The following CREB3L1 variants were observed in gnomAD, a reference collection of about 807,000 sequenced individuals.
The protein encoded by CREB3L1 is cyclic AMP-responsive element-binding protein 3-like protein 1.
Under a neutral mutation model 54.5 loss-of-function variants are expected in CREB3L1, and 33 were observed. The ratio of observed to expected loss-of-function variants is 0.61; its 90% CI spans 0.46 to 0.81. The LOEUF is 0.81. Ranked by LOEUF, CREB3L1 falls within the 30% of genes least tolerant of loss-of-function variation. The pLI is 0.00. For missense variants in CREB3L1, 656 were observed against 673.3 expected (o/e 0.97, Z 0.29); for synonymous variants, 284 against 286.4 (o/e 0.99, Z 0.08).
intron 5 of CREB3L1, 60 bp downstream of exon 5, chr11:46,311,249 A>C (rs1939481271): frequency 2.1e-6 from 3 of 1,443,936 alleles, no homozygotes; most frequent in East Asian, 2.6e-5. Flanking sequence ...CCACCTGAGC[A>C]CACTGGCCAG....
At position 46,298,331 on chromosome 11, in the gene CREB3L1, G is replaced by T. The variant is rs1303911338; in HGVS notation, c.103-1604G>T. Among the ~76,000 whole-genome samples, 4 of 152,176 alleles carry T rather than the reference G, an allele frequency of 2.6e-5. No individual in the cohort carries two copies. The East Asian group carries it at 5.8e-4, about 22-fold the overall frequency. ...AGCAGGCAGGGCTTCAGGACCTAAG[G>T]CAGCCCCCCATCCCCCATCTCTTCT... is the stretch of plus-strand genomic sequence containing the variant. On this transcript the variant is annotated intron_variant, in intron 1 of 11. Transcript: ENST00000621158.
Position 46,320,868 on chromosome 11 carries a change from C to A in CREB3L1, c.*122C>A. The A allele has an allele frequency of 9.6e-7, 1 of 1,046,642 alleles. No homozygotes were observed. Among genetic ancestry groups the A allele is most frequent in the Non-Finnish European group, 1.5e-6 (1 of 686,736 alleles). 64.8% of individuals were successfully genotyped at this position (1,046,642 alleles called of 1,614,324 possible). On this transcript the variant is annotated 3_prime_UTR_variant, in exon 12 of 12. Transcript: ENST00000621158. ...GAGCTTCCCATTCCAGGAGAAAAGG[C>A]TCCACTTCCCAGCCCTTCCTTGCCC... is the stretch of plus-strand genomic sequence containing the variant.
In CREB3L1 at chr11:46,296,481, C is replaced by G. The variant is rs77047825; in HGVS notation, c.103-3454C>G. On this transcript the variant is annotated intron_variant, in intron 1 of 11. Coordinates refer to ENST00000621158, the MANE Select transcript of CREB3L1 (RefSeq NM_052854.4). Reference sequence around the variant, plus strand: ...CTACTAAGAAATAGGAGGGGGGGAACGAGGGGCAGGGGACCGTCGGGGAGC... The same window carrying G: ...CTACTAAGAAATAGGAGGGGGGGAAGGAGGGGCAGGGGACCGTCGGGGAGC... 0.046 allele frequency among the ~76,000 whole-genome samples: 7,012 copies of G among 152,078 alleles called. 211 individuals are homozygous for G. The highest frequency in any genetic ancestry group is 0.072 in the Non-Finnish European group (4,862 of 67,968).
rs990000656 is a variant in CREB3L1, at chr11:46,297,301, C to G, written c.103-2634C>G. The stretch of plus-strand genomic sequence containing the variant: ...CAGTGATTCTTAGAAACTCATTCAG[C>G]TCTGACCTCCTGGTACTGCCTCACT... On this transcript the variant is annotated intron_variant, in intron 1 of 11. Transcript: ENST00000621158. Among the ~76,000 whole-genome samples the G allele has an allele frequency of 3.3e-5, 5 of 152,226 alleles. No homozygotes were observed. In the East Asian group the frequency reaches 9.6e-4, roughly 29 times the overall value.
At position 46,294,728 on chromosome 11, in the gene CREB3L1, T is replaced by C. The variant is rs533938515; in HGVS notation, c.103-5207T>C. ...CACCTCCTCTCCCTGCTCTCACCACTCCCCGCCCCCTAGGCACAGCAGTGA... is the reference window on the plus strand; with the variant it reads ...CACCTCCTCTCCCTGCTCTCACCACCCCCCGCCCCCTAGGCACAGCAGTGA... On this transcript the variant is annotated intron_variant, in intron 1 of 11. Coordinates refer to ENST00000621158, the MANE Select transcript of CREB3L1 (RefSeq NM_052854.4). Among the ~76,000 whole-genome samples, 482 of 151,608 alleles carry C rather than the reference T, an allele frequency of 3.2e-3. 4 individuals are homozygous for C. Among genetic ancestry groups the C allele is most frequent in the Non-Finnish European group, 5.8e-3 (395 of 67,856 alleles).
chr11:46,316,960 C>T (rs1275658516), intron 9 of CREB3L1, among the ~76,000 whole-genome samples: 1 of 152,150 alleles, frequency 6.6e-6, no homozygotes, highest in Non-Finnish European at 1.5e-5. Flanking sequence ...TGGCTCTCAG[C>T]ACCTCCCGCT....
At chr11:46,298,009 A>G (rs767216433) in intron 1 of CREB3L1, among the ~76,000 whole-genome samples, 2 of 152,234 alleles carry the variant, frequency 1.3e-5, no homozygotes, top group African/African-American at 2.4e-5. Context: ...TGGCAACACT[A>G]TGAGGTAGGA....
At chr11:46,303,269 C>T (rs938301725) in intron 2 of CREB3L1, among the ~76,000 whole-genome samples, 3 of 152,150 alleles carry the variant, frequency 2.0e-5, no homozygotes, top group Non-Finnish European at 4.4e-5. Context: ...AAATAATATA[C>T]GCCTTGAGAG....
chr11:46,290,067 G>A (rs1472853303), intron 1 of CREB3L1, among the ~76,000 whole-genome samples: 4 of 152,172 alleles, frequency 2.6e-5, no homozygotes, highest in Non-Finnish European at 5.9e-5. Flanking sequence ...CTACTATTCA[G>A]TGCCCTGATG....
rs1337948131 is a variant in CREB3L1, at chr11:46,308,132, GA to G, written c.516+134del. On this transcript the variant is annotated intron_variant, in intron 3 of 11. Coordinates refer to ENST00000621158, the MANE Select transcript of CREB3L1 (RefSeq NM_052854.4). Reference sequence around the variant, plus strand: ...ACATGAGCCTCAGGGCTGAGGGTGGGAAGCCCCCGCCCAGCCCAGGCCTCCG... The same window carrying G: ...ACATGAGCCTCAGGGCTGAGGGTGGGAGCCCCCGCCCAGCCCAGGCCTCCG... The G allele has an allele frequency of 4.7e-6, 4 of 855,546 alleles. No homozygotes were observed. In the South Asian group the frequency reaches 7.9e-5, roughly 17 times the overall value. The allele number at this position is 855,546 out of a possible 1,614,324, so 53.0% of individuals were successfully genotyped here.
rs542041014 is a variant in CREB3L1 at position 46,320,472 on chromosome 11, C to T, written c.1467C>T (p.Asp489=). ...TKYLSEAWPK[D]GGNGTSPDFS... ...ACCTGAGTGAGGCCTGGCCTAAAGA[C>T]GGTGGAAACGGCACCAGCCCCGACT... The change falls in exon 11 of 12, where the codon GAC becomes GAT. Residue 489 remains aspartate (D), a synonymous_variant. Coordinates refer to ENST00000621158, the MANE Select transcript of CREB3L1 (RefSeq NM_052854.4). The T allele has an allele frequency of 1.1e-5, 17 of 1,599,786 alleles. No homozygotes were observed. In the East Asian group the frequency reaches 2.3e-4, roughly 21 times the overall value.
At chr11:46,302,853 C>T (rs923107449) in intron 2 of CREB3L1, among the ~76,000 whole-genome samples, 5 of 152,194 alleles carry the variant, frequency 3.3e-5, no homozygotes, top group South Asian at 2.1e-4. Context: ...TGGTGGCGTG[C>T]GCCTGTAATT....
At chr11:46,310,133 T>C (rs531079064) in intron 4 of CREB3L1, 66 bp downstream of exon 4, 58 of 1,226,928 alleles carry the variant, frequency 4.7e-5, no homozygotes, top group Middle Eastern at 1.9e-4. Flanking sequence ...CCCCACTTCC[T>C]TGGTTCAGCC....
chr11:46,320,231 G>A, intron 10 of CREB3L1, 33 bp from the exon 11 acceptor site: 8 of 1,546,002 alleles, frequency 5.2e-6, no homozygotes, highest in Non-Finnish European at 7.0e-6. Flanking sequence ...AGGGAATCTT[G>A]GGCACACCGC....
At position 46,317,392 on chromosome 11, in the gene CREB3L1, G is replaced by A. The variant is rs1398378639; in HGVS notation, c.1163G>A (p.Gly388Asp). ...GCCTTGTGCTTTGTTCTGGTGCTGG[G>A]CTCCCTCGTGCCCTGCCTTCCCGAG... ...VAALCFVLVL[G>D]SLVPCLPEFS... is the part of the protein sequence containing the mutation. Residue 388 changes from glycine (G) to aspartate (D), a missense_variant, in exon 10 of 12, where the codon GGC becomes GAC. Gly to Asp is a moderately conservative substitution (Grantham distance 94). Transcript: ENST00000621158. The A allele has an allele frequency of 6.2e-7, 1 of 1,613,852 alleles. No individual in the cohort carries two copies. Among genetic ancestry groups the A allele is most frequent in the African/African-American group, 1.3e-5 (1 of 75,036 alleles).
At position 46,293,420 on chromosome 11, in the gene CREB3L1, C is replaced by A. The variant is rs1939159144; in HGVS notation, c.103-6515C>A. On this transcript the variant is annotated intron_variant, in intron 1 of 11. Transcript: ENST00000621158. ...CTGGTAAGAAGATGCCAGGGGCTGG[C>A]TGGGAAAATGAGGAAGCTATGGCCT... is the stretch of plus-strand genomic sequence containing the variant. Among the ~76,000 whole-genome samples, 3 of 152,216 alleles carry A rather than the reference C, an allele frequency of 2.0e-5. No homozygotes were observed. In the South Asian group the frequency reaches 6.2e-4, roughly 32 times the overall value.
At chr11:46,309,053 C>T (rs61885566) in intron 3 of CREB3L1, among the ~76,000 whole-genome samples, 23,237 of 152,138 alleles carry the variant, frequency 0.15, 2,191 homozygotes, top group African/African-American at 0.27. Flanking sequence ...CTGAAGCCCA[C>T]GCGAGTGAGG....
intron 5 of CREB3L1, among the ~76,000 whole-genome samples, chr11:46,311,570 G>A (rs1939486105): frequency 6.6e-6 from 1 of 151,850 alleles, no homozygotes; most frequent in Non-Finnish European, 1.5e-5. Flanking sequence ...CACGATCTCG[G>A]CTCACTGCAA....
At chr11:46,288,345 G>C (rs577703355) in intron 1 of CREB3L1, among the ~76,000 whole-genome samples, 1 of 152,198 alleles carries the variant, frequency 6.6e-6, no homozygotes, top group East Asian at 1.9e-4. Context: ...GTCTCCCAAA[G>C]TGCTGGGATT....
Sources: gnomAD v4.1 joint callset for allele counts (sites outside exome capture counted in the v4.1 genomes callset) on GRCh38, gnomAD v4.1.1 for gene constraint, MANE v1.5 for transcripts, NCBI Gene and HGNC (gene_info 2026-07-23, HGNC 2026-07-21) for gene names.